Variants in JPH2 observed in about 807,000 individuals in gnomAD.
The protein encoded by JPH2 is junctophilin-2.
A neutral mutation model predicts 55.9 loss-of-function variants in JPH2; 38 were observed. The ratio of observed to expected loss-of-function variants is 0.68; its 90% CI spans 0.52 to 0.89. The LOEUF (loss-of-function observed/expected upper bound fraction) is 0.89. Among genes scored for constraint, JPH2 ranks in the 40% least tolerant of loss-of-function variants. The probability of loss-of-function intolerance (pLI) is 0.00; values close to 1 mark genes in which losing one functional copy is unlikely to be tolerated. For missense variants in JPH2, 964 were observed against 1,037.6 expected (o/e 0.93, Z 0.97); for synonymous variants, 480 against 472.4 (o/e 1.02, Z -0.21).
chr20:44,135,983 G>T (rs2072410408), intron 2 of JPH2, among the ~76,000 whole-genome samples: 3 of 152,180 alleles, frequency 2.0e-5, no homozygotes, highest in African/African-American at 7.2e-5. Flanking sequence ...GCAGCCTTAT[G>T]AGAGAAATAC....
rs75059283 is a variant in JPH2 at position 44,134,898 on chromosome 20, T to A, written c.1170-16275A>T. Among the ~76,000 whole-genome samples, 182 of 36,584 alleles carry A rather than the reference T, an allele frequency of 5.0e-3. 1 individual carries two copies. The highest frequency in any genetic ancestry group is 8.6e-3 in the Non-Finnish European group (164 of 19,052). The allele number at this position is 36,584 out of a possible 152,430, so 24.0% of individuals were successfully genotyped here. A position where few individuals can be genotyped will look rare whatever the true frequency, so the allele number is the denominator to read the frequency against. On this transcript the variant is annotated intron_variant, in intron 2 of 5. Transcript: ENST00000372980. ...TATTTATATATATATTAATATATAT[T>A]TATATATATATATAAAATATATATA... is the stretch of plus-strand genomic sequence containing the variant.
rs997783314 is a variant in JPH2 at position 44,115,725 on chromosome 20, G to A, written c.1950C>T (p.Ala650=). 1.1e-5 allele frequency: 18 copies of A among 1,613,488 alleles called. No individual in the cohort carries two copies. The highest frequency in any genetic ancestry group is 1.4e-5 in the Non-Finnish European group (17 of 1,180,018). Residue 650 remains alanine, a synonymous_variant, in exon 4 of 6, where the codon GCC becomes GCT. Transcript: ENST00000372980. ...CGGCCTCCTTCCGCGCCTTCTTCTT[G>A]GCCCCCGCCTTGGTCAGCCCTCGAG... ...TEARGLTKAG[A]KKKARKEAAL...
intron 1 of JPH2, among the ~76,000 whole-genome samples, chr20:44,164,829 T>C (rs892569314): frequency 6.3e-5 from 4 of 63,868 alleles, no homozygotes; most frequent in African/African-American, 3.7e-4. Flanking sequence ...TTCTGCACCT[T>C]TTTTTTTTTT....
chr20:44,140,893 C>T (rs2072451860), intron 2 of JPH2, among the ~76,000 whole-genome samples: 1 of 152,210 alleles, frequency 6.6e-6, no homozygotes, highest in African/African-American at 2.4e-5. Flanking sequence ...CTACCACCTC[C>T]CACCGTTGGA....
chr20:44,153,243 C>T (rs1301412245), intron 2 of JPH2, among the ~76,000 whole-genome samples: 3 of 152,214 alleles, frequency 2.0e-5, no homozygotes, highest in African/African-American at 7.2e-5. Context: ...TTCCAAGCAC[C>T]GGCCCTTTAC....
At chr20:44,185,579 G>A (rs2072829001) in intron 1 of JPH2, among the ~76,000 whole-genome samples, 1 of 151,496 alleles carries the variant, frequency 6.6e-6, no homozygotes, top group Non-Finnish European at 1.5e-5. Flanking sequence ...AGGCTGCAAA[G>A]AGCCGAGATC....
At chr20:44,184,745 T>A (rs547770202) in intron 1 of JPH2, among the ~76,000 whole-genome samples, 16 of 152,154 alleles carry the variant, frequency 1.1e-4, no homozygotes, top group Non-Finnish European at 1.5e-4. Context: ...CTTCTGAGCC[T>A]TTGTCTTCAC....
chr20:44,165,081 A>G (rs2072646615), intron 1 of JPH2, among the ~76,000 whole-genome samples: 1 of 151,962 alleles, frequency 6.6e-6, no homozygotes, highest in African/African-American at 2.4e-5. Context: ...CAGGTGATCC[A>G]CCCACCTTGC....
rs946385625 is a variant in JPH2 at position 44,107,536 on chromosome 20, T to C, written c.*5982A>G. 1.4e-4 allele frequency among the ~76,000 whole-genome samples: 21 copies of C among 152,308 alleles called. No homozygotes were observed. Among genetic ancestry groups the C allele is most frequent in the African/African-American group, 5.1e-4 (21 of 41,558 alleles). On this transcript the variant is annotated 3_prime_UTR_variant, in exon 6 of 6. Coordinates refer to ENST00000372980, the MANE Select transcript of JPH2 (RefSeq NM_020433.5). ...TCCTCCATACTCTCTTTCCTTTTCCTTTGGCAGATGCAGAGACCAAAAAAG... is the reference window on the plus strand; with the variant it reads ...TCCTCCATACTCTCTTTCCTTTTCCCTTGGCAGATGCAGAGACCAAAAAAG...
intron 2 of JPH2, among the ~76,000 whole-genome samples, chr20:44,142,455 T>C (rs1215173249): frequency 6.6e-6 from 1 of 152,132 alleles, no homozygotes; most frequent in East Asian, 1.9e-4. Flanking sequence ...TCAGCCCCAC[T>C]GGGCTCCTCA....
chr20:44,177,620 G>T (rs1480474799), intron 1 of JPH2: 4 of 1,184,270 alleles, frequency 3.4e-6, no homozygotes, highest in Non-Finnish European at 4.2e-6. Flanking sequence ...CTGTGAACTG[G>T]GACATGAGAT....
chr20:44,150,372 C>T (rs1431402349), intron 2 of JPH2, among the ~76,000 whole-genome samples: 1 of 152,162 alleles, frequency 6.6e-6, no homozygotes, highest in Non-Finnish European at 1.5e-5. Flanking sequence ...TAAAGCATCA[C>T]TGAAAAAAGT....
In JPH2 at chr20:44,114,667, T is replaced by A. The variant is rs1432327993; in HGVS notation, c.*14+115A>T. On this transcript the variant is annotated intron_variant, in intron 5 of 5. Transcript: ENST00000372980. ...CTTCTGCAGGTGGGTGGGCCTCAAT[T>A]AGTCACAGGACTGTCATCCAAGTAC... 1.1e-5 allele frequency: 8 copies of A among 734,596 alleles called. No individual in the cohort carries two copies. The Admixed American group carries it at 1.4e-4, about 13-fold the overall frequency. The allele number at this position is 734,596 out of a possible 1,614,324, so 45.5% of individuals were successfully genotyped here. A position where few individuals can be genotyped will look rare whatever the true frequency, so the allele number is the denominator to read the frequency against.
At chr20:44,130,435 T>C (rs2072309587) in intron 2 of JPH2, among the ~76,000 whole-genome samples, 1 of 152,260 alleles carries the variant, frequency 6.6e-6, no homozygotes, top group African/African-American at 2.4e-5. Context: ...CCTTCACATC[T>C]GCAAGAAAGT....
At chr20:44,115,493 A>T (rs1476333843) in intron 4 of JPH2, among the ~76,000 whole-genome samples, 172 bp downstream of exon 4, 6 of 152,198 alleles carry the variant, frequency 3.9e-5, no homozygotes, top group Non-Finnish European at 4.4e-5. Context: ...CTGTGGACCA[A>T]GCCAAGGCTA....
At chr20:44,134,712 T>TA (rs535467303) in intron 2 of JPH2, among the ~76,000 whole-genome samples, 1 of 48,264 alleles carries the variant, frequency 2.1e-5, no homozygotes. Context: ...TTAATATATA[T>TA]TATAAATATA....
At chr20:44,130,881 C>T (rs2072313217) in intron 2 of JPH2, among the ~76,000 whole-genome samples, 2 of 152,118 alleles carry the variant, frequency 1.3e-5, no homozygotes, top group South Asian at 4.1e-4. Flanking sequence ...TTTATCAGGG[C>T]TGTGAACACA....
intron 1 of JPH2, among the ~76,000 whole-genome samples, chr20:44,183,825 T>C (rs915951938): frequency 2.0e-5 from 3 of 152,120 alleles, no homozygotes; most frequent in African/African-American, 4.8e-5. Context: ...TGAGTGATGA[T>C]TCAAAACTGC....
At chr20:44,147,124 G>A (rs2145868559) in intron 2 of JPH2, among the ~76,000 whole-genome samples, 1 of 152,252 alleles carries the variant, frequency 6.6e-6, no homozygotes, top group African/African-American at 2.4e-5. Context: ...GAACCAAATT[G>A]ACCAAATTGA....
Sources: allele counts gnomAD v4.1 joint callset (sites outside exome capture counted in the v4.1 genomes callset), GRCh38; gene constraint gnomAD v4.1.1; transcripts MANE v1.5; gene names NCBI Gene and HGNC (gene_info 2026-07-23, HGNC 2026-07-21).